Variants in ERC2 observed in about 807,000 individuals in gnomAD.
ERC2 encodes the protein ERC protein 2.
ERC2 carries 42 observed loss-of-function variants against 114.8 expected under a neutral mutation model. The observed-to-expected ratio is 0.37, with a 90% confidence interval of 0.29 to 0.47. The LOEUF is 0.47. Among genes scored for constraint, ERC2 ranks in the 20% least tolerant of loss-of-function variants. The pLI is 0.99. For missense variants in ERC2, 939 were observed against 1,150.7 expected (o/e 0.82, Z 2.66); for synonymous variants, 454 against 425.5 (o/e 1.07, Z -0.82).
chr3:56,358,740 G>A (rs531174697), intron 2 of ERC2, among the ~76,000 whole-genome samples: 18 of 152,348 alleles, frequency 1.2e-4, no homozygotes, highest in African/African-American at 4.3e-4. Flanking sequence ...CCAAGCCTTG[G>A]TATCCTCATC....
intron 14 of ERC2, among the ~76,000 whole-genome samples, chr3:55,804,204 G>C (rs1245924821): frequency 1.3e-5 from 2 of 152,044 alleles, no homozygotes; most frequent in African/African-American, 4.8e-5. Context: ...ACATCCTCTT[G>C]GTCTAGTAAA....
chr3:55,839,598 A>G (rs1232667957), intron 14 of ERC2, among the ~76,000 whole-genome samples: 1 of 151,974 alleles, frequency 6.6e-6, no homozygotes, highest in Non-Finnish European at 1.5e-5. Flanking sequence ...TATGCTCTAC[A>G]TGAAATGGTA....
chr3:55,801,452 C>A (rs139691781), intron 14 of ERC2, among the ~76,000 whole-genome samples: 1 of 152,150 alleles, frequency 6.6e-6, no homozygotes, highest in African/African-American at 2.4e-5. Context: ...TGAACAATTT[C>A]TATGGAAAAC....
chr3:55,599,092 G>C (rs1157830585), intron 17 of ERC2, among the ~76,000 whole-genome samples: 1 of 152,206 alleles, frequency 6.6e-6, no homozygotes, highest in Non-Finnish European at 1.5e-5. Flanking sequence ...AACTTTTGCA[G>C]ACTCCTCCAC....
At chr3:55,633,716 T>G (rs753468337) in intron 17 of ERC2, among the ~76,000 whole-genome samples, 2 of 152,236 alleles carry the variant, frequency 1.3e-5, no homozygotes, top group Non-Finnish European at 2.9e-5. Flanking sequence ...GTGAAATGTT[T>G]GCCTTTATGG....
chr3:55,640,949 T>C (rs2060154198), intron 17 of ERC2, among the ~76,000 whole-genome samples: 1 of 152,218 alleles, frequency 6.6e-6, no homozygotes, highest in Non-Finnish European at 1.5e-5. Context: ...ACTTATTTCT[T>C]AGCCATATAG....
intron 3 of ERC2, among the ~76,000 whole-genome samples, chr3:56,261,818 C>A (rs1324094856): frequency 6.6e-6 from 1 of 152,008 alleles, no homozygotes; most frequent in South Asian, 2.1e-4. Flanking sequence ...TGAGGTATTA[C>A]GTCTAGTATC....
intron 6 of ERC2, among the ~76,000 whole-genome samples, chr3:56,129,642 G>C (rs2080087985): frequency 6.6e-6 from 1 of 152,092 alleles, no homozygotes; most frequent in Admixed American, 6.6e-5. Context: ...ACTTAGCAGA[G>C]GACATGTATT....
chr3:56,409,771 T>C (rs2060872452), intron 2 of ERC2, among the ~76,000 whole-genome samples: 1 of 152,232 alleles, frequency 6.6e-6, no homozygotes, highest in African/African-American at 2.4e-5. Flanking sequence ...AGCTATACCT[T>C]GGTTCCTATT....
At chr3:56,388,731 TTC>T (rs1452165752) in intron 2 of ERC2, among the ~76,000 whole-genome samples, 4 of 152,158 alleles carry the variant, frequency 2.6e-5, no homozygotes, top group African/African-American at 9.7e-5. Flanking sequence ...CTGTATCATT[TTC>T]TACTTTGTAC....
chr3:56,434,171 C>A, intron 2 of ERC2, 180 bp downstream of exon 2: 12 of 470,656 alleles, frequency 2.5e-5, no homozygotes, highest in African/African-American at 4.0e-5. Flanking sequence ...AAGGAAATTA[C>A]AAGCTGTAAT....
intron 16 of ERC2, among the ~76,000 whole-genome samples, chr3:55,696,522 A>G (rs1195881604): frequency 3.9e-5 from 6 of 152,164 alleles, no homozygotes; most frequent in Admixed American, 2.0e-4. Flanking sequence ...ATGCTTTCAT[A>G]TGGCTGTCAT....
At chr3:55,686,898 C>T (rs985141116) in intron 16 of ERC2, among the ~76,000 whole-genome samples, 15 of 152,192 alleles carry the variant, frequency 9.9e-5, no homozygotes, top group African/African-American at 3.6e-4. Context: ...CATCTGCATG[C>T]TTTTGTTCAT....
intron 13 of ERC2, among the ~76,000 whole-genome samples, chr3:55,925,404 T>C (rs577773404): frequency 6.6e-6 from 1 of 152,148 alleles, no homozygotes; most frequent in East Asian, 1.9e-4. Context: ...AAGATGAAGA[T>C]CAGAACAAAG....
intron 17 of ERC2, among the ~76,000 whole-genome samples, chr3:55,535,853 A>G (rs904623): frequency 0.64 from 96,774 of 151,932 alleles, 32,079 homozygotes; most frequent in East Asian, 0.84. Context: ...AATTAGCCGG[A>G]CATGGTGGCG....
At chr3:56,406,098 G>T (rs1346810763) in intron 2 of ERC2, among the ~76,000 whole-genome samples, 1 of 150,178 alleles carries the variant, frequency 6.7e-6, no homozygotes, top group Non-Finnish European at 1.5e-5. Flanking sequence ...GTGCCATGTC[G>T]GCCAGGCTTG....
intron 2 of ERC2, among the ~76,000 whole-genome samples, chr3:56,430,796 TAAC>T (rs1276073763): frequency 2.6e-5 from 4 of 152,016 alleles, no homozygotes; most frequent in Admixed American, 6.6e-5. Context: ...CTCAAAATAA[TAAC>T]AATAATGATA....
intron 14 of ERC2, among the ~76,000 whole-genome samples, chr3:55,828,215 C>A (rs1319736404): frequency 5.9e-5 from 9 of 152,228 alleles, no homozygotes; most frequent in Admixed American, 5.9e-4. Context: ...AGTGGCCCAC[C>A]ACAGACCAGC....
rs1489379184 is a variant in ERC2 at position 56,434,431 on chromosome 3, CCTT to C, written c.574_576del (p.Lys192del). The stretch of plus-strand genomic sequence containing the variant: ...GCCTCTTCTTTCCTCAAGACTCTCT[CCTT>C]CTTAAGCTCAGGACTCCAGAAAGTC... On this transcript the variant is annotated inframe_deletion, in exon 2 of 18. Coordinates refer to ENST00000288221, the MANE Select transcript of ERC2 (RefSeq NM_015576.3). The C allele has an allele frequency of 1.2e-6, 2 of 1,613,986 alleles. No homozygotes were observed. Among genetic ancestry groups the C allele is most frequent in the Non-Finnish European group, 1.7e-6 (2 of 1,179,904 alleles).
Sources: gnomAD v4.1 joint callset for allele counts (sites outside exome capture counted in the v4.1 genomes callset) on GRCh38, gnomAD v4.1.1 for gene constraint, MANE v1.5 for transcripts, NCBI Gene and HGNC (gene_info 2026-07-23, HGNC 2026-07-21) for gene names.